The following NPAS3 variants were observed in gnomAD, a reference collection of about 807,000 sequenced individuals.
NPAS3 encodes the protein neuronal PAS domain-containing protein 3.
Under a neutral mutation model 73.1 loss-of-function variants are expected in NPAS3, and 14 were observed. The ratio of observed to expected loss-of-function variants is 0.19; its 90% confidence interval spans 0.13 to 0.30. The LOEUF is 0.30. NPAS3 is among the 10% of genes least tolerant of loss of function. The pLI is 1.00. For missense variants in NPAS3, 1,096 were observed against 1,250.0 expected (o/e 0.88, Z 1.86); for synonymous variants, 620 against 541.5 (o/e 1.14, Z -2.01).
chr14:33,390,479 C>G (rs967680299), intron 4 of NPAS3, among the ~76,000 whole-genome samples: 2 of 152,162 alleles, frequency 1.3e-5, no homozygotes, highest in African/African-American at 4.8e-5. Context: ...AGCAATATTT[C>G]TTTCAGCAGG....
intron 2 of NPAS3, among the ~76,000 whole-genome samples, chr14:33,134,322 C>T (rs540238268): frequency 4.6e-5 from 7 of 151,908 alleles, no homozygotes; most frequent in African/African-American, 1.2e-4. Flanking sequence ...TGCTTCCATT[C>T]GCATTTCCCT....
chr14:32,991,006 A>G (rs1296680524), intron 1 of NPAS3, among the ~76,000 whole-genome samples: 1 of 151,882 alleles, frequency 6.6e-6, no homozygotes, highest in Non-Finnish European at 1.5e-5. Flanking sequence ...GGTGAAGTGT[A>G]TTACTGGAGG....
chr14:33,573,021 CAAA>C (rs1172844613), intron 5 of NPAS3, among the ~76,000 whole-genome samples: 3 of 61,592 alleles, frequency 4.9e-5, no homozygotes, highest in Admixed American at 1.9e-4. Flanking sequence ...GACTTCTTCT[CAAA>C]AAAAAAAAAA....
At chr14:33,694,743 A>G (rs912477758) in intron 6 of NPAS3, among the ~76,000 whole-genome samples, 9 of 152,186 alleles carry the variant, frequency 5.9e-5, no homozygotes, top group Admixed American at 4.6e-4. Flanking sequence ...TGATTTATCC[A>G]ATTTCCTTAT....
At position 33,320,971 on chromosome 14, in the gene NPAS3, T is replaced by C. The variant is rs1265809661; in HGVS notation, c.386-46215T>C. Among the ~76,000 whole-genome samples, 3 of 152,142 alleles carry C rather than the reference T, an allele frequency of 2.0e-5. No homozygotes were observed. The East Asian group carries it at 5.8e-4, about 29-fold the overall frequency. On this transcript the variant is annotated intron_variant, in intron 3 of 11. Transcript: ENST00000356141. ...CTCCAGCTGGTGCCTCCACGCTGCA[T>C]GCTTTCCTTGTCCTACAAACTGCAG...
chr14:33,160,015 T>C (rs929059801), intron 2 of NPAS3, among the ~76,000 whole-genome samples: 1 of 152,206 alleles, frequency 6.6e-6, no homozygotes, highest in African/African-American at 2.4e-5. Flanking sequence ...AAAATGAAAT[T>C]ATTTCAATAT....
intron 4 of NPAS3, among the ~76,000 whole-genome samples, chr14:33,428,660 A>G (rs2048654785): frequency 6.6e-6 from 1 of 152,154 alleles, no homozygotes; most frequent in Non-Finnish European, 1.5e-5. Context: ...GTTTAGACTC[A>G]CACTGAGCAC....
chr14:33,072,234 G>T (rs574445760), intron 2 of NPAS3, among the ~76,000 whole-genome samples: 1 of 152,110 alleles, frequency 6.6e-6, no homozygotes, highest in East Asian at 1.9e-4. Context: ...TTTAAATAAC[G>T]GTGGCAAATA....
upstream of NPAS3, among the ~76,000 whole-genome samples, chr14:32,938,468 A>AGAGAGAGAGAGAAATT (rs1566779157): frequency 4.0e-5 from 5 of 124,984 alleles, no homozygotes; most frequent in Admixed American, 8.0e-5. Flanking sequence ...AGAGAGAGAG[A>AGAGAGAGAGAGAAATT]GAGAGAGAGA....
chr14:33,646,150 AG>A (rs2058822946), intron 5 of NPAS3, among the ~76,000 whole-genome samples: 1 of 152,294 alleles, frequency 6.6e-6, no homozygotes, highest in Admixed American at 6.5e-5. Context: ...GAATTTAGCC[AG>A]GCAAAATTGG....
intron 1 of NPAS3, among the ~76,000 whole-genome samples, chr14:33,054,864 G>C (rs1486973734): frequency 6.6e-6 from 1 of 151,822 alleles, no homozygotes; most frequent in Non-Finnish European, 1.5e-5. Flanking sequence ...CGCCTGCCTC[G>C]GCCTCCCAAA....
At chr14:33,411,232 A>T (rs111475958) in intron 4 of NPAS3, among the ~76,000 whole-genome samples, 6 of 152,320 alleles carry the variant, frequency 3.9e-5, no homozygotes, top group African/African-American at 1.4e-4. Context: ...TTTGTCACCC[A>T]GGCTGGAGTA....
intron 1 of NPAS3, among the ~76,000 whole-genome samples, chr14:32,975,222 T>C (rs1010071933): frequency 6.6e-6 from 1 of 151,288 alleles, no homozygotes; most frequent in African/African-American, 2.4e-5. Context: ...GCATTAACAG[T>C]TGGCTGATTT....
At chr14:33,530,421 C>T (rs1232303825) in intron 4 of NPAS3, among the ~76,000 whole-genome samples, 3 of 152,136 alleles carry the variant, frequency 2.0e-5, no homozygotes, top group African/African-American at 4.8e-5. Flanking sequence ...ATTAGAGTAT[C>T]GTGGTCAGGC....
chr14:33,557,642 C>T (rs1208003336), intron 4 of NPAS3, among the ~76,000 whole-genome samples: 1 of 152,218 alleles, frequency 6.6e-6, no homozygotes, highest in Non-Finnish European at 1.5e-5. Flanking sequence ...TGTTGCCTAA[C>T]TTCACTAATC....
intron 5 of NPAS3, among the ~76,000 whole-genome samples, chr14:33,614,460 A>G: frequency 6.6e-6 from 1 of 152,212 alleles, no homozygotes; most frequent in East Asian, 1.9e-4. Flanking sequence ...TAGTGGTGAC[A>G]TGGAGAGAAG....
intron 5 of NPAS3, among the ~76,000 whole-genome samples, chr14:33,590,190 A>G (rs552137723): frequency 8.5e-5 from 13 of 152,214 alleles, no homozygotes; most frequent in Non-Finnish European, 1.5e-4. Flanking sequence ...GCAGAAAAAG[A>G]TGGTCACCAA....
At chr14:33,379,107 A>G (rs1157525960) in intron 4 of NPAS3, among the ~76,000 whole-genome samples, 1 of 152,184 alleles carries the variant, frequency 6.6e-6, no homozygotes, top group African/African-American at 2.4e-5. Context: ...GGTTGTAAGT[A>G]TAAGGTATAT....
At chr14:33,563,537 C>CACAGAGAGAG in intron 5 of NPAS3, among the ~76,000 whole-genome samples, 1 of 119,650 alleles carries the variant, frequency 8.4e-6, no homozygotes, top group Admixed American at 8.2e-5. Flanking sequence ...CACACACACA[C>CACAGAGAGAG]AGAGAGAGAG....
Sources: gnomAD v4.1 joint callset for allele counts (sites outside exome capture counted in the v4.1 genomes callset) on GRCh38, gnomAD v4.1.1 for gene constraint, MANE v1.5 for transcripts, NCBI Gene and HGNC (gene_info 2026-07-23, HGNC 2026-07-21) for gene names.